Variants in SYT7 observed in about 807,000 individuals in gnomAD.
SYT7 encodes synaptotagmin 7.
In SYT7, 29 loss-of-function variants were observed where a neutral mutation model predicts 75.1. That is an observed-to-expected ratio of 0.39 (90% CI 0.29 to 0.53). The LOEUF is 0.53. Ranked by LOEUF, SYT7 falls within the 20% of genes least tolerant of loss-of-function variation. The pLI is 0.77. For synonymous variants in SYT7, 376 were observed against 401.7 expected (o/e 0.94, Z 0.76); for missense variants, 693 against 953.2 (o/e 0.73, Z 3.59).
At chr11:61,535,054 T>C (rs369055555) in intron 7 of SYT7, among the ~76,000 whole-genome samples, 1 of 151,926 alleles carries the variant, frequency 6.6e-6, no homozygotes, top group Non-Finnish European at 1.5e-5. Context: ...CTGGGAAAGA[T>C]AGTCAGCGCC....
chr11:61,531,286 C>G (rs1169043945), intron 8 of SYT7, among the ~76,000 whole-genome samples: 1 of 152,216 alleles, frequency 6.6e-6, no homozygotes, highest in South Asian at 2.1e-4. Flanking sequence ...CTGCAGCTGT[C>G]GGCCCTTCCC....
intron 1 of SYT7, among the ~76,000 whole-genome samples, chr11:61,568,980 C>G (rs1472962741): frequency 6.6e-6 from 1 of 152,210 alleles, no homozygotes; most frequent in Non-Finnish European, 1.5e-5. Context: ...CGGTGGGACA[C>G]CCAGTCCAGT....
At chr11:61,563,730 C>A (rs2063698704) in intron 1 of SYT7, among the ~76,000 whole-genome samples, 2 of 152,204 alleles carry the variant, frequency 1.3e-5, no homozygotes, top group South Asian at 4.1e-4. Flanking sequence ...CCTTCTCTAT[C>A]TTCAAGGCAA....
chr11:61,537,983 G>A (rs1202858621), intron 7 of SYT7, among the ~76,000 whole-genome samples, 161 bp downstream of exon 7: 1 of 152,234 alleles, frequency 6.6e-6, no homozygotes, highest in African/African-American at 2.4e-5. Flanking sequence ...CGAGGTGGCA[G>A]TGCGTGAGGG....
intron 1 of SYT7, among the ~76,000 whole-genome samples, chr11:61,556,662 G>A (rs1425033285): frequency 6.6e-6 from 1 of 152,212 alleles, no homozygotes; most frequent in East Asian, 1.9e-4. Context: ...TGCAACTCTA[G>A]TGAAATTTGT....
chr11:61,545,934 TG>T (rs988028585), intron 5 of SYT7, 96 bp downstream of exon 5: 2 of 1,151,130 alleles, frequency 1.7e-6, no homozygotes, highest in Non-Finnish European at 2.4e-6. Flanking sequence ...ACGGCACCTC[TG>T]GGGGCAGCAG....
chr11:61,572,852 G>A (rs1185628701), intron 1 of SYT7, among the ~76,000 whole-genome samples: 1 of 152,164 alleles, frequency 6.6e-6, no homozygotes, highest in Non-Finnish European at 1.5e-5. Flanking sequence ...AACTAAGGTG[G>A]GTAGTCAACA....
Position 61,517,939 on chromosome 11 carries a change from C to CCA in SYT7, c.*686_*687dup. On this transcript the variant is annotated 3_prime_UTR_variant, in exon 13 of 13. Transcript: ENST00000539008. ...TTTCTGACCTCTGCCTCACCCGACC[C>CCA]CACTCAGCCCTATGGGCCTCTCCTC... The CCA allele has an allele frequency of 4.9e-6, 1 of 204,712 alleles. No individual in the cohort carries two copies. The highest frequency in any genetic ancestry group is 9.7e-6 in the Non-Finnish European group (1 of 102,822). The allele number at this position is 204,712 out of a possible 1,614,324, so 12.7% of individuals were successfully genotyped here.
chr11:61,550,188 C>T (rs1035859703), intron 3 of SYT7, among the ~76,000 whole-genome samples: 5 of 152,200 alleles, frequency 3.3e-5, no homozygotes, highest in Non-Finnish European at 7.3e-5. Context: ...CCCCTAGCCT[C>T]AGCCTGGCCC....
At chr11:61,586,578 G>A in the SYT7 span, among the ~76,000 whole-genome samples, 1 of 152,224 alleles carries the variant, frequency 6.6e-6, no homozygotes, top group Non-Finnish European at 1.5e-5. Flanking sequence ...AATGAAGTCA[G>A]TGGACCTCTC....
upstream of SYT7, among the ~76,000 whole-genome samples, chr11:61,582,434 T>C (rs1190474291): frequency 3.3e-5 from 5 of 151,500 alleles, no homozygotes; most frequent in Non-Finnish European, 5.9e-5. Flanking sequence ...CAACCCTCTA[T>C]CTCAAGTCTC....
In SYT7 at chr11:61,518,257, C is replaced by T. The variant is rs368480180; in HGVS notation, c.*370G>A. 47 of 182,212 alleles carry T rather than the reference C, an allele frequency of 2.6e-4. No homozygotes were observed. Among genetic ancestry groups the T allele is most frequent in the Middle Eastern group, 4.3e-3 (2 of 460 alleles). The allele number at this position is 182,212 out of a possible 1,614,324, so 11.3% of individuals were successfully genotyped here. ...GGGGGCTGGAGAGGGAGTGGCCTCTCTCCACTCCAGGTGCTGCCTTAAAGA... is the reference window on the plus strand; with the variant it reads ...GGGGGCTGGAGAGGGAGTGGCCTCTTTCCACTCCAGGTGCTGCCTTAAAGA... On this transcript the variant is annotated 3_prime_UTR_variant, in exon 13 of 13. Coordinates refer to ENST00000539008, the MANE Select transcript of SYT7 (RefSeq NM_001365809.2).
chr11:61,587,118 C>T, the SYT7 span, among the ~76,000 whole-genome samples: 1 of 152,164 alleles, frequency 6.6e-6, no homozygotes, highest in Admixed American at 6.5e-5. Flanking sequence ...AAGCCCTGGG[C>T]CTTTCAGCCA....
chr11:61,547,273 C>G lies in SYT7; in HGVS notation c.251G>C (p.Ser84Thr). Reference sequence around the variant, plus strand: ...GGAGCTCCATTTCTGCTGCACTGTGCTCTCATTGTTATTCCAAAAGTCTCT... The same window carrying G: ...GGAGCTCCATTTCTGCTGCACTGTGGTCTCATTGTTATTCCAAAAGTCTCT... ...LDRDFWNNNE[S>T]TVQQKWSSYP... is the part of the protein sequence containing the mutation. Residue 84 changes from serine (S) to threonine (T), a missense_variant, in exon 4 of 13, where the codon AGC becomes ACC. Transcript: ENST00000539008. The G allele has an allele frequency of 1.3e-6, 2 of 1,535,788 alleles. No individual in the cohort carries two copies. The highest frequency in any genetic ancestry group is 1.7e-6 in the Non-Finnish European group (2 of 1,146,686).
chr11:61,550,164 G>A (rs2063307520), intron 3 of SYT7, among the ~76,000 whole-genome samples: 1 of 151,738 alleles, frequency 6.6e-6, no homozygotes, highest in South Asian at 2.1e-4. Context: ...GCCTCCTCCT[G>A]AGCCTCCCGC....
At position 61,528,005 on chromosome 11, in the gene SYT7, A is replaced by T; in HGVS notation, c.1381T>A (p.Tyr461Asn). Residue 461 changes from tyrosine to asparagine, a missense_variant, in exon 9 of 13, where the codon TAC becomes AAC. Around this residue, in one of 2 missense-constraint regions of SYT7, gnomAD observed 206 missense variants for 360.0 expected, o/e 0.57. Coordinates refer to ENST00000539008, the MANE Select transcript of SYT7 (RefSeq NM_001365809.2). Reference protein sequence around the residue: ...SGTSDPFVKIYLLPDKKHKLE... With the variant: ...SGTSDPFVKINLLPDKKHKLE... ...TTGTGCTTCTTGTCGGGCAGCAGGTAGATCTTGACGAAGGGGTCGCTGGTG... is the reference window on the plus strand; with the variant it reads ...TTGTGCTTCTTGTCGGGCAGCAGGTTGATCTTGACGAAGGGGTCGCTGGTG... 1 of 1,614,138 alleles carries T rather than the reference A, an allele frequency of 6.2e-7. No homozygotes were observed.
At chr11:61,570,273 C>G (rs991023432) in intron 1 of SYT7, among the ~76,000 whole-genome samples, 1 of 152,112 alleles carries the variant, frequency 6.6e-6, no homozygotes, top group Admixed American at 6.5e-5. Flanking sequence ...GCAAGTCAGT[C>G]CTGATCAAAG....
intron 1 of SYT7, among the ~76,000 whole-genome samples, chr11:61,573,774 T>C (rs75553713): frequency 0.043 from 6,494 of 152,280 alleles, 253 homozygotes; most frequent in African/African-American, 0.1. Flanking sequence ...CTGCATGTGC[T>C]GTCCCCACCT....
chr11:61,518,753 T>C (rs1324076163), intron 12 of SYT7, 22 bp from the exon 13 acceptor site: 2 of 1,512,538 alleles, frequency 1.3e-6, no homozygotes, highest in East Asian at 2.5e-5. Context: ...GGGGAGACGA[T>C]GGCATCGGCA....
Sources: gnomAD v4.1 joint callset for allele counts (sites outside exome capture counted in the v4.1 genomes callset) on GRCh38, gnomAD v4.1.1 for gene constraint, gnomAD v4.1.1 regional missense constraint, MANE v1.5 for transcripts, NCBI Gene and HGNC (gene_info 2026-07-23, HGNC 2026-07-21) for gene names.